Variants in SEPHS1 observed in about 807,000 individuals in gnomAD.
SEPHS1 encodes the protein zincore component SEPHS1.
In SEPHS1, 7 loss-of-function variants were observed where a neutral mutation model predicts 39.2. The ratio of observed to expected loss-of-function variants is 0.18; its 90% CI spans 0.10 to 0.34. The LOEUF (loss-of-function observed/expected upper bound fraction) is 0.34, where lower values mean the gene tolerates loss of function less well. SEPHS1 is among the 10% of genes least tolerant of loss of function. The pLI, the probability that SEPHS1 is intolerant of heterozygous loss-of-function variation, is 1.00. For synonymous variants in SEPHS1, 190 were observed against 195.5 expected (o/e 0.97, Z 0.23); for missense variants, 253 against 514.5 (o/e 0.49, Z 4.92).
At chr10:13,322,474 C>T (rs748509347) in intron 8 of SEPHS1, among the ~76,000 whole-genome samples, 11 of 152,052 alleles carry the variant, frequency 7.2e-5, no homozygotes, top group Non-Finnish European at 1.2e-4. Context: ...CTTAAAACAA[C>T]GTTAGACAAT....
chr10:13,332,822 G>A (rs1478266538), intron 5 of SEPHS1, among the ~76,000 whole-genome samples: 4 of 149,920 alleles, frequency 2.7e-5, no homozygotes, highest in Non-Finnish European at 4.4e-5. Context: ...CAGCCTGGGC[G>A]ACGGAGTAAG....
chr10:13,328,610 T>G (rs1454312832), intron 6 of SEPHS1, among the ~76,000 whole-genome samples, 160 bp from the exon 7 acceptor site: 2 of 152,214 alleles, frequency 1.3e-5, no homozygotes, highest in Non-Finnish European at 2.9e-5. Context: ...GTGGATAGTA[T>G]TTTAGGTGTC....
At chr10:13,323,561 G>C (rs1833175170) in intron 7 of SEPHS1, among the ~76,000 whole-genome samples, 1 of 151,676 alleles carries the variant, frequency 6.6e-6, no homozygotes, top group South Asian at 2.1e-4. Flanking sequence ...CACCATATTG[G>C]CCAGGCTGAT....
At chr10:13,326,529 T>A (rs1833297985) in intron 7 of SEPHS1, among the ~76,000 whole-genome samples, 1 of 151,162 alleles carries the variant, frequency 6.6e-6, no homozygotes, top group African/African-American at 2.5e-5. Context: ...GGATTCTCTA[T>A]TCTGTTCCTC....
At chr10:13,347,597 A>C (rs1833964375) in intron 1 of SEPHS1, among the ~76,000 whole-genome samples, 3 of 146,380 alleles carry the variant, frequency 2.0e-5, no homozygotes, top group East Asian at 2.0e-4. Flanking sequence ...GCGCGGAGAA[A>C]AGGGGAGGCG....
chr10:13,320,945 C>T (rs1339694644), intron 8 of SEPHS1, among the ~76,000 whole-genome samples: 1 of 152,220 alleles, frequency 6.6e-6, no homozygotes, highest in Non-Finnish European at 1.5e-5. Context: ...CTGTCCTGGC[C>T]AGAGCCTGAA....
At chr10:13,338,622 CA>C in intron 3 of SEPHS1, 82 bp downstream of exon 3, 2 of 1,077,504 alleles carry the variant, frequency 1.9e-6, no homozygotes. Flanking sequence ...CAAAACCCCA[CA>C]GATACATACA....
At chr10:13,331,847 C>T (rs1053089369) in intron 5 of SEPHS1, among the ~76,000 whole-genome samples, 3 of 152,224 alleles carry the variant, frequency 2.0e-5, no homozygotes, top group Non-Finnish European at 2.9e-5. Context: ...AAAGACATTC[C>T]ACTTCACACC....
chr10:13,343,928 T>C (rs1833862004), intron 2 of SEPHS1, among the ~76,000 whole-genome samples: 1 of 152,190 alleles, frequency 6.6e-6, no homozygotes, highest in Non-Finnish European at 1.5e-5. Context: ...GTGTACTTAA[T>C]AAACTGCACA....
chr10:13,344,226 G>C (rs940685298), intron 2 of SEPHS1, among the ~76,000 whole-genome samples: 1 of 152,120 alleles, frequency 6.6e-6, no homozygotes, highest in Non-Finnish European at 1.5e-5. Context: ...CCTAAGGCTG[G>C]AACCGCCTTT....
chr10:13,343,404 T>A (rs1027514172), intron 2 of SEPHS1, among the ~76,000 whole-genome samples: 1 of 152,114 alleles, frequency 6.6e-6, no homozygotes, highest in Non-Finnish European at 1.5e-5. Flanking sequence ...GGTGTAACAT[T>A]TCTTCCTTTC....
Position 13,328,394 on chromosome 10 carries a change from G to C in SEPHS1, c.708C>G (p.Ala236=). 3 of 1,613,956 alleles carry C rather than the reference G, an allele frequency of 1.9e-6. No homozygotes were observed. The highest frequency in any genetic ancestry group is 2.5e-6 in the Non-Finnish European group (3 of 1,179,914). ...LVVTQEDVEL[A]YQEAMMNMAR... Reference sequence around the variant, plus strand: ...CCATGTTCATCATCGCCTCCTGGTAGGCCAGCTCTACATCTTCTTGGGTGA... The same window carrying C: ...CCATGTTCATCATCGCCTCCTGGTACGCCAGCTCTACATCTTCTTGGGTGA... Residue 236 remains alanine (A), a synonymous_variant, in exon 7 of 9, where the codon GCC becomes GCG. Transcript: ENST00000327347.
intron 2 of SEPHS1, among the ~76,000 whole-genome samples, chr10:13,342,489 C>CAGGA (rs1833820921): frequency 6.6e-6 from 1 of 150,716 alleles, no homozygotes; most frequent in African/African-American, 2.4e-5. Context: ...GAGGCAGAGG[C>CAGGA]AGGAGATCAC....
chr10:13,329,793 A>C lies in SEPHS1; in HGVS notation c.561-5T>G. ...CCTGGCACTGCATTGTCTGGCCTGA[A>C]GAAAAGAAAAGGGCATGTTCTAGTC... On this transcript the variant is annotated splice_polypyrimidine_tract_variant and splice_region_variant and intron_variant, in intron 5 of 8. Coordinates refer to ENST00000327347, the MANE Select transcript of SEPHS1 (RefSeq NM_012247.5). The C allele has an allele frequency of 6.2e-7, 1 of 1,602,750 alleles. No homozygotes were observed. The highest frequency in any genetic ancestry group is 8.5e-7 in the Non-Finnish European group (1 of 1,174,668).
chr10:13,344,849 G>T lies in SEPHS1; in HGVS notation c.102C>A (p.Pro34=), dbSNP rs1833881664. 2.5e-6 allele frequency: 4 copies of T among 1,608,078 alleles called. No homozygotes were observed. In the African/African-American group the frequency reaches 4.0e-5, roughly 16 times the overall value. ...TELKGTGCKV[P]QDVLQKLLES... The stretch of plus-strand genomic sequence containing the variant: ...CCAGCAATTTTTGCAGGACATCTTG[G>T]GGCACTTTGCAGCCTGTGCCCTTCA... The change falls in exon 2 of 9, where the codon CCC becomes CCA. Residue 34 remains proline, a synonymous_variant. Transcript: ENST00000327347.
intron 1 of SEPHS1, 162 bp from the exon 2 acceptor site, chr10:13,345,190 T>C (rs1189850706): frequency 2.8e-6 from 1 of 358,990 alleles, no homozygotes; most frequent in African/African-American, 2.1e-5. Context: ...AAATAGATCT[T>C]TTCATAACGG....
chr10:13,322,659 A>G (rs1833150256), intron 8 of SEPHS1, among the ~76,000 whole-genome samples, 176 bp downstream of exon 8: 1 of 152,120 alleles, frequency 6.6e-6, no homozygotes, highest in Non-Finnish European at 1.5e-5. Context: ...TCCACCCAGG[A>G]TGGCGGGGAC....
rs182347617 is a variant in SEPHS1, at chr10:13,332,581, C to T, written c.560+1236G>A. 5.2e-4 allele frequency among the ~76,000 whole-genome samples: 79 copies of T among 152,240 alleles called. 1 individual carries two copies. Among genetic ancestry groups the T allele is most frequent in the African/African-American group, 1.7e-3 (72 of 41,544 alleles). On this transcript the variant is annotated intron_variant, in intron 5 of 8. Transcript: ENST00000327347. ...AATGTCAGCCGGGCGCGGTGGCTCA[C>T]GCCTGTAATCCCAGCACTTTGGGAG...
intron 6 of SEPHS1, 90 bp downstream of exon 6, chr10:13,329,608 C>A: frequency 1.0e-6 from 1 of 952,504 alleles, no homozygotes; most frequent in Non-Finnish European, 1.6e-6. Context: ...GGATATGAAA[C>A]TAAAAAACCT....
Sources: allele counts gnomAD v4.1 joint callset (sites outside exome capture counted in the v4.1 genomes callset), GRCh38; gene constraint gnomAD v4.1.1; transcripts MANE v1.5; gene names NCBI Gene and HGNC (gene_info 2026-07-23, HGNC 2026-07-21).